The following SPAST variants were observed in gnomAD, a reference collection of about 807,000 sequenced individuals.
The protein encoded by SPAST is spastin, also known as spastic paraplegia 4 (autosomal dominant; spastin).
In SPAST, 30 loss-of-function variants were observed where a neutral mutation model predicts 76.6. That is an observed-to-expected ratio of 0.39 (90% CI 0.29 to 0.53). The LOEUF (loss-of-function observed/expected upper bound fraction) is 0.53, where lower values mean the gene tolerates loss of function less well. SPAST is among the 20% of genes least tolerant of loss of function. The pLI is 0.68. For synonymous variants in SPAST, 305 were observed against 281.0 expected (o/e 1.09, Z -0.86); for missense variants, 717 against 770.5 (o/e 0.93, Z 0.82).
At chr2:32,123,759 C>A (rs748743630) in intron 7 of SPAST, among the ~76,000 whole-genome samples, 3 of 152,114 alleles carry the variant, frequency 2.0e-5, no homozygotes, top group Non-Finnish European at 2.9e-5. Context: ...GGGACAAAGA[C>A]AATTCAGTGG....
At chr2:32,068,520 C>T (rs1444722116) in intron 1 of SPAST, among the ~76,000 whole-genome samples, 2 of 151,988 alleles carry the variant, frequency 1.3e-5, no homozygotes, top group Non-Finnish European at 2.9e-5. Flanking sequence ...GACAGCATTT[C>T]ACCATGTTGG....
At position 32,063,878 on chromosome 2, in the gene SPAST, C is replaced by G; in HGVS notation, c.47C>G (p.Ala16Gly). ...GGGAAGAAGAAAGGCTCCGGCGGCG[C>G]CAGCAACCCGGTGCCTCCCAGGCCT... is the stretch of plus-strand genomic sequence containing the variant. ...GRGKKKGSGGASNPVPPRPPP... is the reference protein window; with the variant it reads ...GRGKKKGSGGGSNPVPPRPPP... Residue 16 changes from alanine (A) to glycine (G), a missense_variant, in exon 1 of 17, where the codon GCC (alanine) becomes GGC (glycine). Coordinates refer to ENST00000315285, the MANE Select transcript of SPAST (RefSeq NM_014946.4). 2.5e-6 allele frequency: 4 copies of G among 1,585,298 alleles called. No individual in the cohort carries two copies. The South Asian group carries it at 4.5e-5, about 18-fold the overall frequency.
chr2:32,103,902 T>C (rs1678219147), intron 4 of SPAST, among the ~76,000 whole-genome samples: 1 of 152,196 alleles, frequency 6.6e-6, no homozygotes, highest in Non-Finnish European at 1.5e-5. Context: ...TGGTCAATTT[T>C]GGAATAGGTG....
chr2:32,090,572 C>A (rs1437135349), intron 3 of SPAST, among the ~76,000 whole-genome samples: 1 of 152,072 alleles, frequency 6.6e-6, no homozygotes, highest in Non-Finnish European at 1.5e-5. Context: ...TTCCAAATTT[C>A]TAATTTTCTC....
chr2:32,117,053 G>C (rs1157856521), intron 7 of SPAST, among the ~76,000 whole-genome samples: 2 of 152,042 alleles, frequency 1.3e-5, no homozygotes, highest in Non-Finnish European at 2.9e-5. Flanking sequence ...GAGGTCAAGA[G>C]ATTGAGACCA....
chr2:32,117,170 T>G (rs912141843), intron 7 of SPAST, among the ~76,000 whole-genome samples: 3 of 151,432 alleles, frequency 2.0e-5, no homozygotes, highest in Non-Finnish European at 4.4e-5. Flanking sequence ...GGAGAATCGC[T>G]TGAACCCGGG....
At chr2:32,106,642 G>C (rs1678332550) in intron 4 of SPAST, among the ~76,000 whole-genome samples, 1 of 152,184 alleles carries the variant, frequency 6.6e-6, no homozygotes, top group Non-Finnish European at 1.5e-5. Flanking sequence ...GTGGAGAAGA[G>C]ATAGAGTAAA....
chr2:32,147,672 C>A (rs1381650444), intron 16 of SPAST, among the ~76,000 whole-genome samples: 1 of 151,474 alleles, frequency 6.6e-6, no homozygotes, highest in Non-Finnish European at 1.5e-5. Flanking sequence ...CACTCTGTCG[C>A]CCAGACTGGA....
At position 32,074,588 on chromosome 2, in the gene SPAST, C is replaced by A. The variant is rs527861204; in HGVS notation, c.415+10342C>A. ...TGGGGGCAATCTCAGCTCACTGCAG[C>A]CTCTGCCTCCTGGATTCAAGCGACT... On this transcript the variant is annotated intron_variant, in intron 1 of 16. Transcript: ENST00000315285. Among the ~76,000 whole-genome samples, 152 of 152,058 alleles carry A rather than the reference C, an allele frequency of 1.0e-3. 1 individual carries two copies. The highest frequency in any genetic ancestry group is 3.6e-3 in the African/African-American group (150 of 41,498).
chr2:32,076,854 A>C (rs1676980430), intron 1 of SPAST, among the ~76,000 whole-genome samples: 1 of 151,438 alleles, frequency 6.6e-6, no homozygotes, highest in South Asian at 2.1e-4. Context: ...GTGCCACCAT[A>C]CCTGGCTTAA....
intron 2 of SPAST, among the ~76,000 whole-genome samples, chr2:32,089,151 TC>T (rs1677609435): frequency 6.6e-6 from 1 of 151,200 alleles, no homozygotes; most frequent in Non-Finnish European, 1.5e-5. Flanking sequence ...AACATCCACT[TC>T]CTGGGGCTGA....
intron 8 of SPAST, chr2:32,127,679 T>C (rs1679240102): frequency 6.6e-6 from 1 of 152,120 alleles, no homozygotes; most frequent in African/African-American, 2.4e-5. Flanking sequence ...TAAGTATTCT[T>C]TTGCCAGAAG....
At chr2:32,091,836 AAAAAT>A (rs962804880) in intron 3 of SPAST, among the ~76,000 whole-genome samples, 2 of 151,580 alleles carry the variant, frequency 1.3e-5, no homozygotes, top group Admixed American at 6.6e-5. Context: ...TCTGTCTCAA[AAAAAT>A]AAAATAAAAT....
At chr2:32,108,505 A>G (rs1268615547) in intron 4 of SPAST, among the ~76,000 whole-genome samples, 1 of 152,018 alleles carries the variant, frequency 6.6e-6, no homozygotes, top group Admixed American at 6.6e-5. Context: ...ATCAAATTGT[A>G]TACTTTATTT....
intron 7 of SPAST, among the ~76,000 whole-genome samples, chr2:32,119,153 A>G (rs1443456824): frequency 2.0e-5 from 3 of 152,184 alleles, no homozygotes; most frequent in Admixed American, 2.0e-4. Context: ...TTGTCTATAC[A>G]TCACCACACC....
chr2:32,100,448 G>A (rs998953313), intron 4 of SPAST, among the ~76,000 whole-genome samples: 4 of 150,498 alleles, frequency 2.7e-5, no homozygotes, highest in Non-Finnish European at 5.9e-5. Context: ...TTTTCTTTTG[G>A]CATAATAATT....
chr2:32,095,886 T>C (rs904717303), intron 3 of SPAST, among the ~76,000 whole-genome samples: 1 of 151,850 alleles, frequency 6.6e-6, no homozygotes. Flanking sequence ...GCGTAAGAGG[T>C]ATAGGCAGAT....
chr2:32,111,231 T>C (rs1245185903), intron 4 of SPAST, among the ~76,000 whole-genome samples: 1 of 110,452 alleles, frequency 9.1e-6, no homozygotes, highest in Non-Finnish European at 1.8e-5. Flanking sequence ...GTGTATAGCG[T>C]ATATATACAG....
intron 8 of SPAST, chr2:32,127,513 T>G (rs903874337): frequency 1.3e-5 from 2 of 158,058 alleles, no homozygotes; most frequent in African/African-American, 4.8e-5. Context: ...TTGGTTAAAT[T>G]TGACAGTATG....
Sources: allele counts gnomAD v4.1 joint callset (sites outside exome capture counted in the v4.1 genomes callset), GRCh38; gene constraint gnomAD v4.1.1; transcripts MANE v1.5; gene names NCBI Gene and HGNC (gene_info 2026-07-23, HGNC 2026-07-21).